ZRANB3: variants seen among roughly 807,000 people sequenced by gnomAD.
ZRANB3 encodes DNA annealing helicase and endonuclease ZRANB3.
In ZRANB3, 125 loss-of-function variants were observed where a neutral mutation model predicts 133.8. That is an observed-to-expected ratio of 0.93 (90% confidence interval 0.81 to 1.08). The LOEUF is 1.08. ZRANB3 is among the 50% of genes least tolerant of loss of function. The probability of loss-of-function intolerance (pLI) is 0.00; values close to 1 mark genes in which losing one functional copy is unlikely to be tolerated. For missense variants in ZRANB3, 1,229 were observed against 1,275.5 expected (o/e 0.96, Z 0.56); for synonymous variants, 387 against 432.7 (o/e 0.89, Z 1.31).
At chr2:135,318,148 T>C (rs1323464476) in intron 6 of ZRANB3, among the ~76,000 whole-genome samples, 1 of 151,728 alleles carries the variant, frequency 6.6e-6, no homozygotes, top group Admixed American at 6.6e-5. Context: ...TTTTACCTAA[T>C]AATATAAAAA....
At chr2:135,249,078 T>C (rs1679231488) in intron 12 of ZRANB3, among the ~76,000 whole-genome samples, 1 of 152,116 alleles carries the variant, frequency 6.6e-6, no homozygotes, top group African/African-American at 2.4e-5. Context: ...AGAATGGCTA[T>C]TAAAAAGTGA....
rs553782880 is a variant in ZRANB3 at position 135,435,526 on chromosome 2, G to A, written c.162-44706C>T. ...ATATACCCAGTAATGGGATTGCTAA[G>A]TCGAATGATAGTTCTGCTTTTAGCT... On this transcript the variant is annotated intron_variant, in intron 2 of 20. Transcript: ENST00000264159. Among the ~76,000 whole-genome samples, 14 of 152,318 alleles carry A rather than the reference G, an allele frequency of 9.2e-5. No homozygotes were observed. The South Asian group carries it at 2.1e-3, about 23-fold the overall frequency.
At chr2:135,497,604 C>A (rs75905849) in intron 2 of ZRANB3, among the ~76,000 whole-genome samples, 3 of 152,106 alleles carry the variant, frequency 2.0e-5, no homozygotes. Flanking sequence ...TCCATCACAG[C>A]GGAAAGTTCC....
At chr2:135,466,966 T>C (rs1326184318) in intron 2 of ZRANB3, among the ~76,000 whole-genome samples, 1 of 152,148 alleles carries the variant, frequency 6.6e-6, no homozygotes, top group Admixed American at 6.5e-5. Context: ...GCTTTATGAT[T>C]TGTGATCTGA....
chr2:135,265,007 C>G (rs1169752505), intron 12 of ZRANB3, among the ~76,000 whole-genome samples: 1 of 152,120 alleles, frequency 6.6e-6, no homozygotes, highest in East Asian at 1.9e-4. Context: ...CCTCAGCCCC[C>G]CAAAGTGCTG....
chr2:135,357,585 T>C (rs1049872297), intron 3 of ZRANB3, among the ~76,000 whole-genome samples: 6 of 152,336 alleles, frequency 3.9e-5, no homozygotes, highest in Admixed American at 3.3e-4. Flanking sequence ...CGTAAGCCAC[T>C]GCGCCTTGCC....
intron 3 of ZRANB3, among the ~76,000 whole-genome samples, chr2:135,385,580 T>A (rs1489103848): frequency 6.6e-6 from 1 of 152,176 alleles, no homozygotes; most frequent in East Asian, 1.9e-4. Context: ...CTACCTGGCT[T>A]CAAACTATAC....
intron 12 of ZRANB3, among the ~76,000 whole-genome samples, chr2:135,248,109 G>A (rs1695883886): frequency 6.6e-6 from 1 of 152,130 alleles, no homozygotes; most frequent in Admixed American, 6.5e-5. Context: ...ATACCTCTAG[G>A]TACTGGAAAA....
intron 3 of ZRANB3, among the ~76,000 whole-genome samples, chr2:135,388,510 A>G (rs1004824754): frequency 1.3e-5 from 2 of 152,192 alleles, no homozygotes; most frequent in Non-Finnish European, 2.9e-5. Flanking sequence ...GGAAATCATA[A>G]AGGATGCTGT....
intron 2 of ZRANB3, among the ~76,000 whole-genome samples, chr2:135,407,669 A>C (rs974775956): frequency 6.6e-5 from 10 of 151,752 alleles, no homozygotes; most frequent in Non-Finnish European, 1.5e-4. Context: ...AATAATGCCG[A>C]ATATCTACAG....
At chr2:135,369,447 C>T (rs1307565106) in intron 3 of ZRANB3, among the ~76,000 whole-genome samples, 1 of 152,064 alleles carries the variant, frequency 6.6e-6, no homozygotes, top group Admixed American at 6.6e-5. Flanking sequence ...TTAAATCATT[C>T]TACTGAAAAC....
chr2:135,421,147 A>G (rs1206530529), intron 2 of ZRANB3, among the ~76,000 whole-genome samples: 3 of 152,192 alleles, frequency 2.0e-5, no homozygotes, highest in South Asian at 2.1e-4. Flanking sequence ...ATAAATTACA[A>G]TTGAAGCAAT....
intron 6 of ZRANB3, among the ~76,000 whole-genome samples, chr2:135,335,892 AG>A (rs1486836341): frequency 2.0e-5 from 3 of 151,984 alleles, no homozygotes; most frequent in African/African-American, 7.3e-5. Context: ...CATTACTTCC[AG>A]GGGGAAAAAA....
intron 3 of ZRANB3, among the ~76,000 whole-genome samples, chr2:135,354,068 G>C (rs939708051): frequency 6.6e-6 from 1 of 152,022 alleles, no homozygotes; most frequent in Non-Finnish European, 1.5e-5. Context: ...TTAATAAAAA[G>C]TTTGAGATAA....
At chr2:135,273,354 A>G (rs115640287) in intron 9 of ZRANB3, among the ~76,000 whole-genome samples, 21 of 152,286 alleles carry the variant, frequency 1.4e-4, no homozygotes, top group African/African-American at 5.1e-4. Context: ...ATCCAAGTTA[A>G]TTATTAAAAA....
chr2:135,450,100 G>A (rs544188676), intron 2 of ZRANB3, among the ~76,000 whole-genome samples: 1 of 152,138 alleles, frequency 6.6e-6, no homozygotes, highest in African/African-American at 2.4e-5. Context: ...ACAATAAGTG[G>A]TAGAGCTGAT....
intron 8 of ZRANB3, among the ~76,000 whole-genome samples, chr2:135,305,318 C>G (rs1468967449): frequency 2.0e-5 from 3 of 152,172 alleles, no homozygotes; most frequent in Non-Finnish European, 2.9e-5. Flanking sequence ...TTCCTGCTCA[C>G]TTTAGGTTTC....
intron 1 of ZRANB3, among the ~76,000 whole-genome samples, chr2:135,510,303 T>C (rs1693393644): frequency 6.6e-6 from 1 of 152,124 alleles, no homozygotes; most frequent in Admixed American, 6.6e-5. Context: ...TTCTTCTTCT[T>C]GAAAAATCCG....
At position 135,271,077 on chromosome 2, in the gene ZRANB3, C is replaced by T. The variant is rs187955528; in HGVS notation, c.1206+691G>A. ...GTTGTGGGACTAACTATAAGAGATG[C>T]AGTGTGCTTTTCTCCAGGCAGCTGC... On this transcript the variant is annotated intron_variant, in intron 10 of 20. Transcript: ENST00000264159. Among the ~76,000 whole-genome samples, 50 of 152,326 alleles carry T rather than the reference C, an allele frequency of 3.3e-4. No individual in the cohort carries two copies. The East Asian group carries it at 8.9e-3, about 27-fold the overall frequency.
Sources: gnomAD v4.1 joint callset for allele counts (sites outside exome capture counted in the v4.1 genomes callset) on GRCh38, gnomAD v4.1.1 for gene constraint, MANE v1.5 for transcripts, NCBI Gene and HGNC (gene_info 2026-07-23, HGNC 2026-07-21) for gene names.